The following NCOA4 variants were observed in gnomAD, a reference collection of about 807,000 sequenced individuals.
The protein encoded by NCOA4 is nuclear receptor coactivator 4, also known as 70 kDa AR-activator.
In NCOA4, 31 loss-of-function variants were observed where a neutral mutation model predicts 69.5. That is an observed-to-expected ratio of 0.45 (90% CI 0.34 to 0.60). The LOEUF is 0.60. Ranked by LOEUF, NCOA4 falls within the 20% of genes least tolerant of loss-of-function variation. The probability of loss-of-function intolerance (pLI) is 0.02; values close to 1 mark genes in which losing one functional copy is unlikely to be tolerated. For synonymous variants in NCOA4, 228 were observed against 252.4 expected (o/e 0.90, Z 0.92); for missense variants, 600 against 719.2 (o/e 0.83, Z 1.90).
At chr10:46,024,918 G>C (rs1840078299) in intron 1 of NCOA4, among the ~76,000 whole-genome samples, 1 of 152,082 alleles carries the variant, frequency 6.6e-6, no homozygotes, top group African/African-American at 2.4e-5. Context: ...CCTGAGTTAG[G>C]GTTCTCCAGA....
rs1554921446 is a variant in NCOA4, at chr10:46,011,202, G to T, written c.719C>A (p.Ser240Tyr). Reference sequence around the variant, plus strand: ...ATTGAAGAAATTGCAGGCTCTGGAAGAAGTCTACACAAAAAGTACACAGTA... The same window carrying T: ...ATTGAAGAAATTGCAGGCTCTGGAATAAGTCTACACAAAAAGTACACAGTA... ...QKQTLENSQT[S>Y]SRACNFFNNV... Residue 240 changes from serine (S) to tyrosine (Y), a missense_variant, in exon 8 of 10, where the codon TCT (serine) becomes TAT (tyrosine). Physicochemically the swap from Ser to Tyr is moderately radical, Grantham distance 144. Coordinates refer to ENST00000581486, the MANE Select transcript of NCOA4 (RefSeq NM_001145263.2). 1 of 1,584,518 alleles carries T rather than the reference G, an allele frequency of 6.3e-7. No homozygotes were observed. The highest frequency in any genetic ancestry group is 8.5e-7 in the Non-Finnish European group (1 of 1,169,606).
intron 9 of NCOA4, among the ~76,000 whole-genome samples, chr10:46,007,637 GGCAAGACC>G (rs1838924336): frequency 7.5e-6 from 1 of 132,466 alleles, no homozygotes; most frequent in South Asian, 2.4e-4. Context: ...CTGTCAACCA[GGCAAGACC>G]GCAGCAGAGC....
rs1554920988 is a variant in NCOA4, at chr10:46,010,494, G to A, written c.1427C>T (p.Ala476Val). The change falls in exon 8 of 10, where the codon GCA (alanine) becomes GTA (valine). Residue 476 changes from alanine to valine, a missense_variant. Coordinates refer to ENST00000581486, the MANE Select transcript of NCOA4 (RefSeq NM_001145263.2). Reference protein sequence around the residue: ...EVIEQTKAPKAMTPSRIADSF... With the variant: ...EVIEQTKAPKVMTPSRIADSF... Reference sequence around the variant, plus strand: ...ATCAGCAATTCTAGAAGGAGTCATTGCCTTTGGTGCTTTAGTTTGTTCTAT... The same window carrying A: ...ATCAGCAATTCTAGAAGGAGTCATTACCTTTGGTGCTTTAGTTTGTTCTAT... 1 of 1,614,196 alleles carries A rather than the reference G, an allele frequency of 6.2e-7. No individual in the cohort carries two copies. The highest frequency in any genetic ancestry group is 8.5e-7 in the Non-Finnish European group (1 of 1,180,042).
chr10:46,012,138 G>A (rs1372885822), intron 7 of NCOA4, among the ~76,000 whole-genome samples: 2 of 112,358 alleles, frequency 1.8e-5, no homozygotes, highest in East Asian at 2.6e-4. Context: ...CTTACTAATG[G>A]AAGAAAAAAC....
chr10:46,027,544 G>A, intron 1 of NCOA4: 9 of 1,439,976 alleles, frequency 6.3e-6, no homozygotes, highest in Non-Finnish European at 8.5e-6. Context: ...TGAAAACAAA[G>A]TCAAGATGAA....
chr10:46,017,805 A>AT (rs1839655485), intron 1 of NCOA4, among the ~76,000 whole-genome samples: 1 of 152,208 alleles, frequency 6.6e-6, no homozygotes, highest in South Asian at 2.1e-4. Flanking sequence ...ACTGTAACAC[A>AT]TGAGTGTCAG....
At chr10:46,023,527 T>G (rs1171856601) in intron 1 of NCOA4, 1 of 985,314 alleles carries the variant, frequency 1.0e-6, no homozygotes, top group African/African-American at 1.7e-5. Context: ...CCGCCCATTG[T>G]TGCCCTGCTC....
At chr10:46,007,581 C>CT (rs71026287) in intron 9 of NCOA4, among the ~76,000 whole-genome samples, 1,301 of 85,470 alleles carry the variant, frequency 0.015, 134 homozygotes, top group African/African-American at 0.019. Context: ...GCCAGTGACT[C>CT]TTTTTTTTTT....
chr10:46,021,297 A>G (rs1196275438), intron 1 of NCOA4, among the ~76,000 whole-genome samples: 1 of 152,228 alleles, frequency 6.6e-6, no homozygotes, highest in African/African-American at 2.4e-5. Context: ...AAAAAAATAA[A>G]AAATAAAGCT....
chr10:46,022,992 T>C (rs1839972977), intron 1 of NCOA4, among the ~76,000 whole-genome samples: 1 of 152,234 alleles, frequency 6.6e-6, no homozygotes, highest in Admixed American at 6.5e-5. Context: ...ACTTCAGAGT[T>C]TACTAGGCTC....
At chr10:46,009,357 A>G in intron 9 of NCOA4, 54 bp downstream of exon 9, 1 of 1,575,312 alleles carries the variant, frequency 6.3e-7, no homozygotes, top group Non-Finnish European at 8.7e-7. Flanking sequence ...AAGACAAAAC[A>G]TTTATTTTAT....
At chr10:46,026,174 G>A (rs1430687596) in intron 1 of NCOA4, among the ~76,000 whole-genome samples, 1 of 152,182 alleles carries the variant, frequency 6.6e-6, no homozygotes, top group Non-Finnish European at 1.5e-5. Context: ...AATGCAGGAA[G>A]GTTTTTTCAG....
intron 1 of NCOA4, chr10:46,023,499 G>A: frequency 2.0e-6 from 2 of 985,536 alleles, no homozygotes; most frequent in South Asian, 4.7e-5. Flanking sequence ...AGCCAAGGGC[G>A]GGGAGGAGCG....
chr10:46,009,130 G>C, intron 9 of NCOA4: 2 of 1,540,464 alleles, frequency 1.3e-6, no homozygotes, highest in Non-Finnish European at 8.8e-7. Context: ...CCACCTTCGA[G>C]GTAGGTATAT....
chr10:46,015,393 A>T (rs1839481613), intron 2 of NCOA4, 127 bp from the exon 3 acceptor site: 2 of 735,180 alleles, frequency 2.7e-6, no homozygotes, highest in Non-Finnish European at 4.6e-6. Context: ...CCTTTTAATT[A>T]TCCAATGACA....
At chr10:46,022,369 T>A in intron 1 of NCOA4, 1 of 446,770 alleles carries the variant, frequency 2.2e-6, no homozygotes, top group South Asian at 1.7e-5. Context: ...GCTTTTAGTT[T>A]AAAAAAATTA....
chr10:46,006,090 T>A lies in NCOA4; in HGVS notation c.*502A>T, dbSNP rs1838793321. 4.7e-6 allele frequency: 1 copy of A among 212,794 alleles called. No homozygotes were observed. The highest frequency in any genetic ancestry group is 2.3e-5 in the African/African-American group (1 of 44,198). 13.2% of individuals were successfully genotyped at this position (212,794 alleles called of 1,614,324 possible). On this transcript the variant is annotated 3_prime_UTR_variant, in exon 10 of 10. Coordinates refer to ENST00000581486, the MANE Select transcript of NCOA4 (RefSeq NM_001145263.2). Reference sequence around the variant, plus strand: ...TGGTAATCACTATTGACCAGGTTAATTTTTTTGTGCAAAATACACTATGTA... The same window carrying A: ...TGGTAATCACTATTGACCAGGTTAAATTTTTTGTGCAAAATACACTATGTA...
intron 1 of NCOA4, 37 bp from the exon 2 acceptor site, chr10:46,016,731 A>G (rs1839577450): frequency 1.5e-6 from 2 of 1,337,270 alleles, no homozygotes; most frequent in Middle Eastern, 2.9e-4. Flanking sequence ...TAGCACCATA[A>G]TTACAACCAA....
intron 1 of NCOA4, chr10:46,022,591 G>A (rs1554924690): frequency 7.7e-6 from 3 of 387,180 alleles, no homozygotes; most frequent in Admixed American, 7.4e-5. Context: ...CTCCCAGGTA[G>A]CTGGGACTGA....
Sources: allele counts gnomAD v4.1 joint callset (sites outside exome capture counted in the v4.1 genomes callset), GRCh38; gene constraint gnomAD v4.1.1; transcripts MANE v1.5; gene names NCBI Gene and HGNC (gene_info 2026-07-23, HGNC 2026-07-21).